Variants in TYW1B observed in about 807,000 individuals in gnomAD.
TYW1B encodes S-adenosyl-L-methionine-dependent tRNA 4-demethylwyosine synthase TYW1B.
In TYW1B, 73 loss-of-function variants were observed where a neutral mutation model predicts 86.9. That is an observed-to-expected ratio of 0.84 (90% confidence interval 0.70 to 1.02). The LOEUF is 1.02. Ranked by LOEUF, TYW1B falls within the 50% of genes least tolerant of loss-of-function variation. TYW1B has a pLI of 0.00. For synonymous variants in TYW1B, 248 were observed against 292.8 expected (o/e 0.85, Z 1.56); for missense variants, 637 against 827.4 (o/e 0.77, Z 2.82).
chr7:72,617,549 T>C (rs1277610422), intron 12 of TYW1B, among the ~76,000 whole-genome samples: 7 of 152,104 alleles, frequency 4.6e-5, no homozygotes, highest in Non-Finnish European at 1.0e-4. Context: ...GTATTTTTAG[T>C]AGAGATGGGG....
intron 13 of TYW1B, among the ~76,000 whole-genome samples, chr7:72,586,932 T>C (rs1392548115): frequency 2.0e-5 from 3 of 151,964 alleles, no homozygotes; most frequent in African/African-American, 7.3e-5. Context: ...AGGCCATATA[T>C]AATAGACAAA....
intron 13 of TYW1B, among the ~76,000 whole-genome samples, chr7:72,604,126 T>C (rs1554434389): frequency 6.6e-6 from 1 of 152,080 alleles, no homozygotes; most frequent in Non-Finnish European, 1.5e-5. Context: ...TCAATTTTTC[T>C]GTAAGTCAAA....
At chr7:72,699,797 G>A (rs765515522) in intron 10 of TYW1B, among the ~76,000 whole-genome samples, 3 of 151,688 alleles carry the variant, frequency 2.0e-5, no homozygotes, top group African/African-American at 4.8e-5. Flanking sequence ...CTACAGGCAC[G>A]CACCACCACA....
chr7:72,606,195 G>C (rs1811791323), intron 13 of TYW1B, among the ~76,000 whole-genome samples: 1 of 148,428 alleles, frequency 6.7e-6, no homozygotes, highest in South Asian at 2.3e-4. Flanking sequence ...ACAACTATTG[G>C]ATAAAAAAAA....
chr7:72,756,357 C>G (rs1321046053), intron 7 of TYW1B, among the ~76,000 whole-genome samples: 1 of 152,010 alleles, frequency 6.6e-6, no homozygotes, highest in Non-Finnish European at 1.5e-5. Context: ...GCCTCAGCCT[C>G]CCAAGTAGCT....
chr7:72,686,268 A>G (rs552434846), intron 11 of TYW1B, among the ~76,000 whole-genome samples: 1 of 152,332 alleles, frequency 6.6e-6, no homozygotes, highest in South Asian at 2.1e-4. Flanking sequence ...ACAGATGTTT[A>G]TAACAGCTGT....
rs113069386 is a variant in TYW1B at position 72,819,129 on chromosome 7, G to A, written c.136-3648C>T. On this transcript the variant is annotated intron_variant, in intron 2 of 13. Transcript: ENST00000620995. The stretch of plus-strand genomic sequence containing the variant: ...GCGGCAGGAACAGTGAACTGCAAAG[G>A]CCCAGTGGAGGTTATTAAGACTGAA... 3.9e-3 allele frequency among the ~76,000 whole-genome samples: 598 copies of A among 152,250 alleles called. 2 individuals carry two copies. Among genetic ancestry groups the A allele is most frequent in the African/African-American group, 0.014 (562 of 41,542 alleles).
chr7:72,794,767 G>A (rs541179871), intron 6 of TYW1B, among the ~76,000 whole-genome samples: 1 of 151,574 alleles, frequency 6.6e-6, no homozygotes, highest in Admixed American at 6.6e-5. Flanking sequence ...CTAGGAGAGT[G>A]AGCACAAAGA....
At chr7:72,818,578 CAAAAAAA>C (rs57325230) in intron 2 of TYW1B, among the ~76,000 whole-genome samples, 39 of 38,428 alleles carry the variant, frequency 1.0e-3, no homozygotes, top group Admixed American at 1.5e-3. Flanking sequence ...GACTCCATCT[CAAAAAAA>C]AAAAAAAAAA....
At chr7:72,771,935 C>T (rs1387195990) in intron 7 of TYW1B, among the ~76,000 whole-genome samples, 2 of 151,770 alleles carry the variant, frequency 1.3e-5, no homozygotes, top group African/African-American at 4.8e-5. Flanking sequence ...CAACCTCTGC[C>T]TCCCGGGTTT....
intron 12 of TYW1B, among the ~76,000 whole-genome samples, chr7:72,627,122 T>C (rs1554438986): frequency 6.6e-6 from 1 of 152,024 alleles, no homozygotes; most frequent in Non-Finnish European, 1.5e-5. Context: ...TACCCCAGGT[T>C]TCTGCTTACC....
At chr7:72,635,806 C>A (rs1258313112) in intron 11 of TYW1B, among the ~76,000 whole-genome samples, 1 of 152,158 alleles carries the variant, frequency 6.6e-6, no homozygotes, top group Non-Finnish European at 1.5e-5. Flanking sequence ...CTTAACATAT[C>A]CTCAAAATTA....
chr7:72,790,101 C>T (rs1788194584), intron 6 of TYW1B, among the ~76,000 whole-genome samples: 1 of 151,770 alleles, frequency 6.6e-6, no homozygotes, highest in African/African-American at 2.4e-5. Context: ...GCATGCACCA[C>T]CACGCCTGGC....
intron 12 of TYW1B, among the ~76,000 whole-genome samples, chr7:72,624,522 T>A (rs537464636): frequency 1.3e-5 from 2 of 152,346 alleles, no homozygotes; most frequent in East Asian, 3.9e-4. Context: ...AGTAGCAGTA[T>A]GCTCTATTCT....
intron 1 of TYW1B, among the ~76,000 whole-genome samples, chr7:72,827,442 T>C (rs1275711945): frequency 3.3e-5 from 5 of 151,974 alleles, no homozygotes; most frequent in Admixed American, 6.6e-5. Context: ...GTAATAAAAA[T>C]AACACACTAT....
At chr7:72,621,788 C>T (rs1554438019) in intron 12 of TYW1B, among the ~76,000 whole-genome samples, 1 of 152,210 alleles carries the variant, frequency 6.6e-6, no homozygotes, top group Non-Finnish European at 1.5e-5. Context: ...TAATCCAATA[C>T]AAAATTTCAT....
intron 7 of TYW1B, among the ~76,000 whole-genome samples, chr7:72,776,469 G>A (rs1384933620): frequency 7.3e-6 from 1 of 137,204 alleles, no homozygotes; most frequent in Non-Finnish European, 1.5e-5. Context: ...GCTGAGGCAG[G>A]AGAATCACTT....
rs374888618 is a variant in TYW1B, at chr7:72,607,723, A to C, written c.1785+8949T>G. 3.9e-5 allele frequency among the ~76,000 whole-genome samples: 6 copies of C among 152,182 alleles called. No individual in the cohort carries two copies. The East Asian group carries it at 7.7e-4, about 20-fold the overall frequency. On this transcript the variant is annotated intron_variant, in intron 13 of 13. Coordinates refer to ENST00000620995, the MANE Select transcript of TYW1B (RefSeq NM_001145440.3). The stretch of plus-strand genomic sequence containing the variant: ...CCTGTGGGACCATAACAAAAAAAAA[A>C]TCTAACATTTGTGTCATCAGAGATC...
intron 11 of TYW1B, among the ~76,000 whole-genome samples, chr7:72,661,337 C>A (rs1554444430): frequency 6.6e-6 from 1 of 150,834 alleles, no homozygotes; most frequent in East Asian, 1.9e-4. Flanking sequence ...TAATTTCAAG[C>A]ACGAAATTCT....
Sources: gnomAD v4.1 joint callset for allele counts (sites outside exome capture counted in the v4.1 genomes callset) on GRCh38, gnomAD v4.1.1 for gene constraint, MANE v1.5 for transcripts, NCBI Gene and HGNC (gene_info 2026-07-23, HGNC 2026-07-21) for gene names.